TRIM5: variants seen among roughly 807,000 people sequenced by gnomAD.
TRIM5 encodes the protein tripartite motif containing 5, also known as tripartite motif-containing protein 5.
Under a neutral mutation model 35.6 loss-of-function variants are expected in TRIM5, and 31 were observed. That is an observed-to-expected ratio of 0.87 (90% CI 0.65 to 1.18). The LOEUF is 1.18. Among genes scored for constraint, TRIM5 ranks in the 50% most tolerant of loss-of-function variants. The pLI, the probability that TRIM5 is intolerant of heterozygous loss-of-function variation, is 0.00. For synonymous variants in TRIM5, 243 were observed against 215.6 expected (o/e 1.13, Z -1.11); for missense variants, 609 against 591.6 (o/e 1.03, Z -0.31).
the TRIM5 span, among the ~76,000 whole-genome samples, chr11:5,649,840 C>A: frequency 6.6e-6 from 1 of 152,120 alleles, no homozygotes; most frequent in Non-Finnish European, 1.5e-5. Context: ...ATGTTGGACA[C>A]TGATTTAGAG....
the TRIM5 span, among the ~76,000 whole-genome samples, chr11:5,600,096 C>T: frequency 3.3e-5 from 5 of 152,122 alleles, no homozygotes; most frequent in East Asian, 9.6e-4. Flanking sequence ...TTAGTACTAC[C>T]AGTTAGATGC....
the TRIM5 span, chr11:5,590,775 T>TA: frequency 1.3e-5 from 2 of 152,302 alleles, no homozygotes; most frequent in Non-Finnish European, 2.9e-5. Flanking sequence ...TAAATTTTGT[T>TA]ACTGCTCACT....
the TRIM5 span, among the ~76,000 whole-genome samples, chr11:5,609,225 G>A: frequency 2.6e-5 from 4 of 152,180 alleles, no homozygotes; most frequent in East Asian, 5.8e-4. Flanking sequence ...ACAGACACAC[G>A]AAATGGGAAC....
the TRIM5 span, among the ~76,000 whole-genome samples, chr11:5,627,050 C>T: frequency 6.6e-6 from 1 of 151,972 alleles, no homozygotes; most frequent in Non-Finnish European, 1.5e-5. Context: ...ACTCTGTCTA[C>T]TGATGTAAGA....
At chr11:5,661,546 C>T (rs1248300264), downstream of TRIM5, among the ~76,000 whole-genome samples, 1 of 152,004 alleles carries the variant, frequency 6.6e-6, no homozygotes, top group Non-Finnish European at 1.5e-5. Context: ...CCAGATTGTA[C>T]CAAAATTCTA....
the TRIM5 span, among the ~76,000 whole-genome samples, chr11:5,637,967 T>C: frequency 2.0e-5 from 3 of 152,240 alleles, no homozygotes; most frequent in South Asian, 6.2e-4. Context: ...ACACCTGGAA[T>C]TACTCTTGCA....
chr11:5,682,444 A>G (rs922552831), intron 1 of TRIM5, among the ~76,000 whole-genome samples: 3 of 152,244 alleles, frequency 2.0e-5, no homozygotes, highest in Middle Eastern at 3.4e-3. Flanking sequence ...TTGGTGCCCT[A>G]GTAGAGGCAA....
chr11:5,682,810 C>T (rs1852603859), intron 1 of TRIM5, among the ~76,000 whole-genome samples: 2 of 152,256 alleles, frequency 1.3e-5, no homozygotes, highest in South Asian at 4.1e-4. Flanking sequence ...CTCACTCGCT[C>T]TTGGCGCCTC....
At chr11:5,601,741 G>C in the TRIM5 span, among the ~76,000 whole-genome samples, 1 of 152,196 alleles carries the variant, frequency 6.6e-6, no homozygotes, top group Non-Finnish European at 1.5e-5. Context: ...CTGGGCGATA[G>C]AGCAAGACTC....
At chr11:5,598,081 T>G in the TRIM5 span, among the ~76,000 whole-genome samples, 4 of 152,198 alleles carry the variant, frequency 2.6e-5, no homozygotes, top group Admixed American at 2.0e-4. Flanking sequence ...CTCTTTCTTC[T>G]GCTAATTTGA....
the TRIM5 span, among the ~76,000 whole-genome samples, chr11:5,640,921 AT>A: frequency 3.7e-5 from 4 of 106,836 alleles, no homozygotes. Flanking sequence ...AGATTATCTA[AT>A]TTGTTGGCAT....
At chr11:5,608,105 G>A in the TRIM5 span, among the ~76,000 whole-genome samples, 5,643 of 152,234 alleles carry the variant, frequency 0.037, 210 homozygotes, top group East Asian at 0.17. Flanking sequence ...AATAATACAT[G>A]CTATACATAC....
downstream of TRIM5, among the ~76,000 whole-genome samples, chr11:5,659,993 T>C (rs1850759974): frequency 6.6e-6 from 1 of 152,168 alleles, no homozygotes; most frequent in South Asian, 2.1e-4. Context: ...TCTTTTTTTT[T>C]TGAAACGGAG....
At chr11:5,673,741 T>C (rs1415606943) in intron 4 of TRIM5, among the ~76,000 whole-genome samples, 3 of 152,144 alleles carry the variant, frequency 2.0e-5, no homozygotes, top group Non-Finnish European at 4.4e-5. Context: ...AGGAATGGGA[T>C]TTGAAATCCA....
At chr11:5,607,946 A>C in the TRIM5 span, among the ~76,000 whole-genome samples, 5 of 152,148 alleles carry the variant, frequency 3.3e-5, no homozygotes, top group Non-Finnish European at 7.4e-5. Context: ...GTAGGGTAGA[A>C]GGTTAGAGAA....
At chr11:5,621,252 G>A in the TRIM5 span, among the ~76,000 whole-genome samples, 1 of 152,160 alleles carries the variant, frequency 6.6e-6, no homozygotes, top group South Asian at 2.1e-4. Flanking sequence ...TTCATTTTCA[G>A]GGCTTTGGGA....
downstream of TRIM5, among the ~76,000 whole-genome samples, chr11:5,662,452 G>GAA (rs34134984): frequency 0.42 from 63,133 of 151,992 alleles, 13,883 homozygotes; most frequent in Non-Finnish European, 0.49. Context: ...TTACTTTAAT[G>GAA]AAGAGTCAGG....
chr11:5,676,708 C>T (rs1156254615), intron 4 of TRIM5, among the ~76,000 whole-genome samples: 2 of 148,930 alleles, frequency 1.3e-5, no homozygotes, highest in Non-Finnish European at 3.0e-5. Flanking sequence ...AACTATACTA[C>T]AAGGCTACAG....
At chr11:5,632,820 TC>T in the TRIM5 span, 12 of 1,184,266 alleles carry the variant, frequency 1.0e-5, no homozygotes, top group South Asian at 5.5e-5. Context: ...CACCTTTTCA[TC>T]CTTTTTTTTT....
Sources: allele counts gnomAD v4.1 joint callset (sites outside exome capture counted in the v4.1 genomes callset), GRCh38; gene constraint gnomAD v4.1.1; transcripts MANE v1.5; gene names NCBI Gene and HGNC (gene_info 2026-07-23, HGNC 2026-07-21).